ARB2A: variants seen among roughly 807,000 people sequenced by gnomAD.
ARB2A encodes the protein cotranscriptional regulator ARB2A.
At chr5:93,889,016 AT>A in the ARB2A span, among the ~76,000 whole-genome samples, 8 of 151,826 alleles carry the variant, frequency 5.3e-5, no homozygotes, top group Non-Finnish European at 3.0e-5. Flanking sequence ...TCATTTTAAG[AT>A]ATTTTCATTC....
the ARB2A span, among the ~76,000 whole-genome samples, chr5:93,785,601 T>A: frequency 1.5e-3 from 235 of 152,280 alleles, 1 homozygote; most frequent in African/African-American, 5.4e-3. Flanking sequence ...TCTCTTAATT[T>A]TTTTTAAGCC....
the ARB2A span, among the ~76,000 whole-genome samples, chr5:93,817,056 T>C: frequency 6.6e-6 from 1 of 151,546 alleles, no homozygotes; most frequent in African/African-American, 2.4e-5. Context: ...GATATGATCT[T>C]GAATATGAAA....
the ARB2A span, among the ~76,000 whole-genome samples, chr5:93,742,736 T>C: frequency 2.0e-5 from 3 of 152,216 alleles, no homozygotes; most frequent in Non-Finnish European, 4.4e-5. Flanking sequence ...AAAATCCTCA[T>C]CCTGCTGTAT....
the ARB2A span, among the ~76,000 whole-genome samples, chr5:93,703,727 C>T: frequency 5.3e-5 from 8 of 152,160 alleles, no homozygotes; most frequent in Non-Finnish European, 1.0e-4. Flanking sequence ...AGTGATGTTA[C>T]ATTTTGGGCA....
chr5:93,766,608 A>C, the ARB2A span, among the ~76,000 whole-genome samples: 3 of 152,210 alleles, frequency 2.0e-5, no homozygotes, highest in Non-Finnish European at 4.4e-5. Context: ...AAACTAGTTT[A>C]ACCATTGTGG....
At chr5:93,782,680 A>G in the ARB2A span, among the ~76,000 whole-genome samples, 1 of 152,200 alleles carries the variant, frequency 6.6e-6, no homozygotes, top group African/African-American at 2.4e-5. Flanking sequence ...CTATTTCTTT[A>G]CATACGTTAT....
chr5:93,789,815 A>G, the ARB2A span, among the ~76,000 whole-genome samples: 1 of 152,204 alleles, frequency 6.6e-6, no homozygotes, highest in African/African-American at 2.4e-5. Context: ...TAAGAGAACA[A>G]ATACCATCTT....
At chr5:93,905,446 A>G in the ARB2A span, among the ~76,000 whole-genome samples, 1 of 151,636 alleles carries the variant, frequency 6.6e-6, no homozygotes, top group Middle Eastern at 3.2e-3. Flanking sequence ...GGGTGAGGTG[A>G]TAACGTTAAT....
chr5:93,820,051 T>A, the ARB2A span, among the ~76,000 whole-genome samples: 1 of 152,178 alleles, frequency 6.6e-6, no homozygotes, highest in Non-Finnish European at 1.5e-5. Flanking sequence ...GGGAATATAC[T>A]AATAATAACA....
chr5:93,967,552 C>A, the ARB2A span, among the ~76,000 whole-genome samples: 2 of 151,940 alleles, frequency 1.3e-5, no homozygotes, highest in Non-Finnish European at 2.9e-5. Context: ...GAACTGCTGG[C>A]GGGGTGTGGA....
chr5:93,997,497 G>A, the ARB2A span, among the ~76,000 whole-genome samples: 19 of 151,908 alleles, frequency 1.3e-4, no homozygotes, highest in Non-Finnish European at 2.4e-4. Flanking sequence ...CGATCTTTGC[G>A]AATAATGTAG....
the ARB2A span, among the ~76,000 whole-genome samples, chr5:94,026,554 T>G: frequency 1.3e-5 from 2 of 151,904 alleles, no homozygotes. Context: ...TTTGTGAGTA[T>G]GCAAAAAAGG....
chr5:93,926,257 G>C, the ARB2A span, among the ~76,000 whole-genome samples: 1 of 151,850 alleles, frequency 6.6e-6, no homozygotes, highest in Non-Finnish European at 1.5e-5. Context: ...AGTCTCCCGA[G>C]TAGCTGGGAT....
At chr5:94,026,801 G>A in the ARB2A span, among the ~76,000 whole-genome samples, 46 of 152,170 alleles carry the variant, frequency 3.0e-4, 1 homozygote, top group South Asian at 6.0e-3. Flanking sequence ...GGTTGGACCC[G>A]CCCCATCTGC....
the ARB2A span, among the ~76,000 whole-genome samples, chr5:93,957,953 G>T: frequency 6.6e-6 from 1 of 151,378 alleles, no homozygotes; most frequent in Non-Finnish European, 1.5e-5. Context: ...ACTGATACAA[G>T]ATATCAGTTT....
At chr5:93,620,963 C>T in the ARB2A span, 1 of 1,598,782 alleles carries the variant, frequency 6.3e-7, no homozygotes, top group Non-Finnish European at 8.5e-7. Context: ...GCCAGGGCGG[C>T]CTCCCCCGTC....
the ARB2A span, among the ~76,000 whole-genome samples, chr5:93,867,034 A>T: frequency 7.2e-5 from 11 of 152,212 alleles, no homozygotes; most frequent in African/African-American, 1.4e-4. Flanking sequence ...CAACATTACA[A>T]AAACATGAGT....
chr5:93,873,487 C>A, the ARB2A span, among the ~76,000 whole-genome samples: 2 of 151,878 alleles, frequency 1.3e-5, no homozygotes, highest in Non-Finnish European at 1.5e-5. Context: ...GAAAAAAAAT[C>A]TACTGTGTTT....
chr5:93,741,018 T>C, the ARB2A span: 1 of 1,613,818 alleles, frequency 6.2e-7, no homozygotes, highest in Non-Finnish European at 8.5e-7. Context: ...TTTTCAGCAG[T>C]GGTCGCAGCT....
Sources: gnomAD v4.1 joint callset for allele counts (sites outside exome capture counted in the v4.1 genomes callset) on GRCh38, gnomAD v4.1.1 for gene constraint, MANE v1.5 for transcripts, NCBI Gene and HGNC (gene_info 2026-07-23, HGNC 2026-07-21) for gene names.